The following SMCP variants were observed in gnomAD, a reference collection of about 807,000 sequenced individuals.
SMCP encodes the protein sperm mitochondria associated cysteine rich protein.
For synonymous variants in SMCP, 41 were observed against 46.9 expected, an observed-to-expected ratio of 0.87 and a Z score of 0.51; for missense variants, 137 against 137.1, an observed-to-expected ratio of 1.00 and a Z score of 0.01.
At chr1:152,879,485 C>T (rs544587031) in intron 1 of SMCP, among the ~76,000 whole-genome samples, 7 of 152,246 alleles carry the variant, frequency 4.6e-5, no homozygotes, top group Admixed American at 1.3e-4. Flanking sequence ...CCTCCCAAAG[C>T]GCTGGGACAA....
At chr1:152,882,274 C>A (rs1649078044) in intron 1 of SMCP, among the ~76,000 whole-genome samples, 1 of 152,076 alleles carries the variant, frequency 6.6e-6, no homozygotes, top group Non-Finnish European at 1.5e-5. Context: ...TCCGGCCCTC[C>A]CCCAGAAAGA....
chr1:152,880,525 T>C (rs1029905030), intron 1 of SMCP, among the ~76,000 whole-genome samples: 1 of 152,192 alleles, frequency 6.6e-6, no homozygotes, highest in Non-Finnish European at 1.5e-5. Context: ...ACCTCTCTCC[T>C]TCCTGTTCTC....
intron 1 of SMCP, among the ~76,000 whole-genome samples, chr1:152,882,664 C>A (rs1649090943): frequency 6.6e-6 from 1 of 152,006 alleles, no homozygotes; most frequent in Non-Finnish European, 1.5e-5. Context: ...TAGGTGCACA[C>A]ACACACACAC....
At chr1:152,880,630 C>T (rs1649003627) in intron 1 of SMCP, among the ~76,000 whole-genome samples, 1 of 152,094 alleles carries the variant, frequency 6.6e-6, no homozygotes, top group Non-Finnish European at 1.5e-5. Context: ...GGTGACTTGT[C>T]CCCACCCCCA....
At chr1:152,880,867 C>T (rs184353703) in intron 1 of SMCP, among the ~76,000 whole-genome samples, 1 of 152,108 alleles carries the variant, frequency 6.6e-6, no homozygotes, top group African/African-American at 2.4e-5. Flanking sequence ...AGGTTTATAC[C>T]AGGTGGCAGG....
At chr1:152,881,109 C>T (rs901602810) in intron 1 of SMCP, among the ~76,000 whole-genome samples, 5 of 150,924 alleles carry the variant, frequency 3.3e-5, no homozygotes, top group East Asian at 2.0e-4. Flanking sequence ...GTGGCGCTGT[C>T]GGCCACACCT....
intron 1 of SMCP, among the ~76,000 whole-genome samples, chr1:152,881,391 T>A (rs943673515): frequency 6.6e-6 from 1 of 152,086 alleles, no homozygotes; most frequent in Non-Finnish European, 1.5e-5. Flanking sequence ...TCCACACTGC[T>A]ATAAAGATAC....
chr1:152,879,379 C>T (rs1345182925), intron 1 of SMCP, among the ~76,000 whole-genome samples: 1 of 152,094 alleles, frequency 6.6e-6, no homozygotes, highest in Non-Finnish European at 1.5e-5. Context: ...CGCCACCACA[C>T]CCAGCTAATT....
chr1:152,884,711 A>G lies in SMCP; in HGVS notation c.289A>G (p.Lys97Glu). Residue 97 changes from lysine to glutamate, a missense_variant, in exon 2 of 2, where the codon AAG becomes GAG. Transcript: ENST00000368765. ...GCCCAACTCACCGCAAACTCAGGAC[A>G]AGGGCTGTCAAACCCAGCAGCAGCC... ...SEPNSPQTQD[K>E]GCQTQQQPHS... The G allele has an allele frequency of 6.2e-7, 1 of 1,614,248 alleles. No homozygotes were observed. The highest frequency in any genetic ancestry group is 8.5e-7 in the Non-Finnish European group (1 of 1,180,048).
In SMCP at chr1:152,884,667, C is replaced by T. The variant is rs1283040168; in HGVS notation, c.245C>T (p.Pro82Leu). The T allele has an allele frequency of 3.7e-6, 6 of 1,614,182 alleles. No homozygotes were observed. The South Asian group carries it at 6.6e-5, about 18-fold the overall frequency. ...TTGGAGACCAAGCCTGAAGTCTCAC[C>T]CCTTAACATGGAGTCTGAGCCCAAC... ...CGLETKPEVS[P>L]LNMESEPNSP... is the part of the protein sequence containing the mutation. Residue 82 changes from proline to leucine, a missense_variant, in exon 2 of 2, where the codon CCC becomes CTC. By Grantham distance (98) the Pro-to-Leu change is moderately conservative (BLOSUM62 -3). Coordinates refer to ENST00000368765, the MANE Select transcript of SMCP (RefSeq NM_030663.3).
chr1:152,883,418 C>T (rs889307324), intron 1 of SMCP, among the ~76,000 whole-genome samples: 15 of 152,164 alleles, frequency 9.9e-5, no homozygotes, highest in African/African-American at 3.6e-4. Flanking sequence ...ATAGGAGGGA[C>T]CAGGGCGGAA....
intron 1 of SMCP, among the ~76,000 whole-genome samples, chr1:152,880,346 G>C (rs569320934): frequency 1.3e-5 from 2 of 152,292 alleles, no homozygotes; most frequent in African/African-American, 2.4e-5. Flanking sequence ...GGGCACCCAA[G>C]TGTGTGCTTG....
In SMCP at chr1:152,884,792, A is replaced by G; in HGVS notation, c.*19A>G. On this transcript the variant is annotated 3_prime_UTR_variant, in exon 2 of 2. Transcript: ENST00000368765. ...CAAATGAGAGCAGAAGAAGTCAAAC[A>G]AAGAAGAAGTCCCTGGGGCCATGCC... 1.9e-6 allele frequency: 3 copies of G among 1,602,550 alleles called. No individual in the cohort carries two copies. The highest frequency in any genetic ancestry group is 2.6e-6 in the Non-Finnish European group (3 of 1,170,988).
At chr1:152,882,681 A>ACACT (rs1159860052) in intron 1 of SMCP, among the ~76,000 whole-genome samples, 1 of 151,604 alleles carries the variant, frequency 6.6e-6, no homozygotes, top group African/African-American at 2.4e-5. Flanking sequence ...ACACACACAC[A>ACACT]CTCTCACAGA....
chr1:152,878,954 C>A (rs1030911945), intron 1 of SMCP, among the ~76,000 whole-genome samples: 1 of 152,180 alleles, frequency 6.6e-6, no homozygotes. Context: ...CTGCTCTGAG[C>A]CAGTCTGGTG....
At position 152,884,959 on chromosome 1, in the gene SMCP, C is replaced by G; in HGVS notation, c.*186C>G. 1.6e-6 allele frequency: 1 copy of G among 608,726 alleles called. No individual in the cohort carries two copies. The highest frequency in any genetic ancestry group is 2.3e-5 in the South Asian group (1 of 44,144). 37.7% of individuals were successfully genotyped at this position (608,726 alleles called of 1,614,324 possible). A position where few individuals can be genotyped will look rare whatever the true frequency, so the allele number is the denominator to read the frequency against. On this transcript the variant is annotated 3_prime_UTR_variant, in exon 2 of 2. Transcript: ENST00000368765. Reference sequence around the variant, plus strand: ...CTCCCTACCCTAGGGAGGCCTCCATCTGGAAATGGGAGGATGAAGAGGCTA... The same window carrying G: ...CTCCCTACCCTAGGGAGGCCTCCATGTGGAAATGGGAGGATGAAGAGGCTA...
At chr1:152,883,927 A>G (rs773363809) in intron 1 of SMCP, among the ~76,000 whole-genome samples, 1 of 152,196 alleles carries the variant, frequency 6.6e-6, no homozygotes, top group Non-Finnish European at 1.5e-5. Flanking sequence ...GAACAAGCAC[A>G]TGCTCTGGAG....
intron 1 of SMCP, among the ~76,000 whole-genome samples, chr1:152,881,102 G>A (rs534180639): frequency 2.4e-4 from 36 of 147,124 alleles, no homozygotes; most frequent in African/African-American, 8.3e-4. Context: ...CTAGTGGGTG[G>A]CGCTGTCGGC....
At chr1:152,883,386 G>A (rs11801965) in intron 1 of SMCP, among the ~76,000 whole-genome samples, 2,828 of 152,256 alleles carry the variant, frequency 0.019, 80 homozygotes, top group African/African-American at 0.063. Flanking sequence ...CAACAGTGGC[G>A]TTCATCCTCT....
Sources: allele counts gnomAD v4.1 joint callset (sites outside exome capture counted in the v4.1 genomes callset), GRCh38; gene constraint gnomAD v4.1.1; transcripts MANE v1.5; gene names NCBI Gene and HGNC (gene_info 2026-07-23, HGNC 2026-07-21).